AGBL4: variants seen among roughly 807,000 people sequenced by gnomAD.
AGBL4 encodes AGBL carboxypeptidase 4, also known as cytosolic carboxypeptidase 6.
AGBL4 carries 58 observed loss-of-function variants against 66.4 expected under a neutral mutation model. That is an observed-to-expected ratio of 0.87 (90% confidence interval 0.71 to 1.09). The LOEUF (loss-of-function observed/expected upper bound fraction) is 1.09, where lower values mean the gene tolerates loss of function less well. AGBL4 is among the 50% of genes least tolerant of loss of function. AGBL4 has a pLI of 0.00. For missense variants in AGBL4, 579 were observed against 631.0 expected, an observed-to-expected ratio of 0.92 and a Z score of 0.88; for synonymous variants, 234 against 222.9, an observed-to-expected ratio of 1.05 and a Z score of -0.44.
chr1:49,934,082 G>A (rs1412909341), intron 1 of AGBL4, among the ~76,000 whole-genome samples: 1 of 152,022 alleles, frequency 6.6e-6, no homozygotes, highest in Admixed American at 6.6e-5. Flanking sequence ...AAGGGACAAG[G>A]AAACACATAC....
intron 5 of AGBL4, among the ~76,000 whole-genome samples, chr1:48,895,181 C>A (rs1211710992): frequency 6.6e-6 from 1 of 152,190 alleles, no homozygotes; most frequent in Non-Finnish European, 1.5e-5. Flanking sequence ...AGGTAAAGTT[C>A]CTGATTGAAT....
chr1:49,520,763 T>C (rs1650190743), intron 3 of AGBL4, among the ~76,000 whole-genome samples: 1 of 151,652 alleles, frequency 6.6e-6, no homozygotes, highest in Non-Finnish European at 1.5e-5. Context: ...GAGTGCCACC[T>C]CTTAGCTTTC....
intron 6 of AGBL4, among the ~76,000 whole-genome samples, chr1:48,748,654 C>T (rs1651154045): frequency 6.6e-6 from 1 of 152,112 alleles, no homozygotes; most frequent in Non-Finnish European, 1.5e-5. Context: ...GCAAGTGGCA[C>T]AAACCACAGG....
At chr1:49,079,682 C>T (rs1461827534) in intron 4 of AGBL4, among the ~76,000 whole-genome samples, 3 of 152,170 alleles carry the variant, frequency 2.0e-5, no homozygotes, top group Non-Finnish European at 4.4e-5. Flanking sequence ...GAAATCCTAA[C>T]ACTTGTAGTG....
chr1:49,354,292 A>G (rs183987026), intron 3 of AGBL4, among the ~76,000 whole-genome samples: 1 of 152,244 alleles, frequency 6.6e-6, no homozygotes, highest in Non-Finnish European at 1.5e-5. Flanking sequence ...CCTGTTCCAC[A>G]GTGATGAATA....
chr1:49,130,310 T>G lies in AGBL4; in HGVS notation c.378-84510A>C, dbSNP rs899602005. Among the ~76,000 whole-genome samples, 76 of 152,318 alleles carry G rather than the reference T, an allele frequency of 5.0e-4. No homozygotes were observed. In the East Asian group the frequency reaches 0.01, roughly 21 times the overall value. On this transcript the variant is annotated intron_variant, in intron 4 of 13. Transcript: ENST00000371839. ...TTTCTTTTGCTGTGCAGAAGCTCTT[T>G]AGTTTAATTAGATCCCATTTGTCAA...
intron 12 of AGBL4, among the ~76,000 whole-genome samples, chr1:48,537,732 G>T (rs1361636911): frequency 6.6e-6 from 1 of 152,192 alleles, no homozygotes; most frequent in Non-Finnish European, 1.5e-5. Flanking sequence ...TTTTATTTAG[G>T]CAGAGGACCT....
intron 2 of AGBL4, among the ~76,000 whole-genome samples, chr1:49,831,593 A>C (rs2148015326): frequency 6.6e-6 from 1 of 152,228 alleles, no homozygotes; most frequent in East Asian, 1.9e-4. Flanking sequence ...ATATTTGAAT[A>C]CCCTTTATTT....
intron 3 of AGBL4, among the ~76,000 whole-genome samples, chr1:49,528,518 C>T (rs1389716683): frequency 6.6e-6 from 1 of 151,964 alleles, no homozygotes; most frequent in African/African-American, 2.4e-5. Flanking sequence ...TTACTATGTA[C>T]CAGGTATTAT....
intron 5 of AGBL4, among the ~76,000 whole-genome samples, chr1:49,033,751 C>T (rs773751052): frequency 6.6e-6 from 1 of 151,790 alleles, no homozygotes; most frequent in Non-Finnish European, 1.5e-5. Flanking sequence ...GGCTCTCTGG[C>T]TTTCTGTGAT....
At chr1:49,735,296 G>GGT (rs34172664) in intron 2 of AGBL4, among the ~76,000 whole-genome samples, 16,485 of 127,254 alleles carry the variant, frequency 0.13, 947 homozygotes, top group Admixed American at 0.16. Flanking sequence ...GAGGTGTGTG[G>GGT]GTGTGTGTGT....
chr1:49,105,697 G>A lies in AGBL4; in HGVS notation c.378-59897C>T, dbSNP rs140029789. ...TGAGAATGTTCCTCAATCTCGCTGA[G>A]CTTCAGTCCCCTTATCTGCAAAATG... On this transcript the variant is annotated intron_variant, in intron 4 of 13. Transcript: ENST00000371839. Among the ~76,000 whole-genome samples the A allele has an allele frequency of 1.6e-3, 238 of 152,248 alleles. 3 individuals are homozygous for A. The Middle Eastern group carries it at 0.017, about 11-fold the overall frequency.
At chr1:48,722,501 C>CT (rs34265550) in intron 6 of AGBL4, among the ~76,000 whole-genome samples, 55,942 of 151,764 alleles carry the variant, frequency 0.37, 10,740 homozygotes, top group East Asian at 0.63. Context: ...GGTTGGGAGA[C>CT]TTTAAGAAAC....
intron 3 of AGBL4, among the ~76,000 whole-genome samples, chr1:49,379,313 T>G (rs903660708): frequency 6.6e-6 from 1 of 152,182 alleles, no homozygotes; most frequent in East Asian, 1.9e-4. Flanking sequence ...TGTGCATTCT[T>G]ACCTCACCAA....
intron 3 of AGBL4, among the ~76,000 whole-genome samples, chr1:49,296,290 C>T (rs1644641645): frequency 6.6e-6 from 1 of 152,078 alleles, no homozygotes; most frequent in Non-Finnish European, 1.5e-5. Flanking sequence ...GGTCACAAAG[C>T]TTGTAGAGGT....
In AGBL4 at chr1:49,175,064, A is replaced by G. The variant is rs1646806969; in HGVS notation, c.377+70706T>C. 1.3e-5 allele frequency: 2 copies of G among 152,140 alleles called. 1 individual carries two copies. The highest frequency in any genetic ancestry group is 3.8e-4 in the East Asian group (2 of 5,204). The allele number at this position is 152,140 out of a possible 1,614,324, so 9.4% of individuals were successfully genotyped here. A position where few individuals can be genotyped will look rare whatever the true frequency, so the allele number is the denominator to read the frequency against. ...AATCATGGTTTTGAGATTTTGTCCA[A>G]ATTCCTTCATTATCTCAGGTACAAA... On this transcript the variant is annotated intron_variant, in intron 4 of 13. Transcript: ENST00000371839.
intron 2 of AGBL4, among the ~76,000 whole-genome samples, chr1:49,836,530 T>C (rs1301423434): frequency 1.3e-5 from 2 of 152,206 alleles, no homozygotes; most frequent in Non-Finnish European, 2.9e-5. Flanking sequence ...CATGCTCCTT[T>C]AGCTCAGAGG....
At position 49,045,727 on chromosome 1, in the gene AGBL4, C is replaced by A; in HGVS notation, c.451G>T (p.Ala151Ser). The A allele has an allele frequency of 6.4e-7, 1 of 1,552,112 alleles. No homozygotes were observed. The highest frequency in any genetic ancestry group is 1.4e-5 in the African/African-American group (1 of 73,066). ...TCTTCTTCTCGGTCAAAACAAAAGGCAAAGGACATCACATAGTTCTTCCTA... is the reference window on the plus strand; with the variant it reads ...TCTTCTTCTCGGTCAAAACAAAAGGAAAAGGACATCACATAGTTCTTCCTA... Reference protein sequence around the residue: ...DHRKNYVMSFAFCFDREEDIY... With the variant: ...DHRKNYVMSFSFCFDREEDIY... Residue 151 changes from alanine to serine, a missense_variant, in exon 5 of 14, where the codon GCC (alanine) becomes TCC (serine). Transcript: ENST00000371839.
At chr1:48,830,190 G>C (rs772276688) in intron 6 of AGBL4, among the ~76,000 whole-genome samples, 1 of 152,154 alleles carries the variant, frequency 6.6e-6, no homozygotes, top group Admixed American at 6.5e-5. Flanking sequence ...CGCCTCAGTC[G>C]TTTCTATAAA....
Sources: gnomAD v4.1 joint callset for allele counts (sites outside exome capture counted in the v4.1 genomes callset) on GRCh38, gnomAD v4.1.1 for gene constraint, MANE v1.5 for transcripts, NCBI Gene and HGNC (gene_info 2026-07-23, HGNC 2026-07-21) for gene names.